The following CARNMT1 variants were observed in gnomAD, a reference collection of about 807,000 sequenced individuals.
CARNMT1 encodes protein-L-histidine N-pros-methyltransferase CARNMT1.
In CARNMT1, 28 loss-of-function variants were observed where a neutral mutation model predicts 49.6. The ratio of observed to expected loss-of-function variants is 0.56; its 90% CI spans 0.42 to 0.77. The LOEUF (loss-of-function observed/expected upper bound fraction) is 0.77, where lower values mean the gene tolerates loss of function less well. Among genes scored for constraint, CARNMT1 ranks in the 30% least tolerant of loss-of-function variants. CARNMT1 has a pLI of 0.00. For missense variants in CARNMT1, 421 were observed against 512.6 expected, an observed-to-expected ratio of 0.82 and a Z score of 1.73; for synonymous variants, 178 against 175.0, an observed-to-expected ratio of 1.02 and a Z score of -0.13.
In CARNMT1 at chr9:74,981,808, GT is replaced by G. The variant is rs1832699525; in HGVS notation, c.*1958del. The G allele has an allele frequency of 6.6e-6, 1 of 151,966 alleles. No individual in the cohort carries two copies. Among genetic ancestry groups the G allele is most frequent in the Non-Finnish European group, 1.5e-5 (1 of 67,960 alleles). 9.4% of individuals were successfully genotyped at this position (151,966 alleles called of 1,614,324 possible). On this transcript the variant is annotated 3_prime_UTR_variant, in exon 8 of 8. Transcript: ENST00000376834. ...ATACTAGTCAGTGAATAAAAAGCATGTCTAAGCCATTGAAAAACAGCATGCA... is the reference window on the plus strand; with the variant it reads ...ATACTAGTCAGTGAATAAAAAGCATGCTAAGCCATTGAAAAACAGCATGCA...
chr9:75,026,393 C>T (rs1057173472), intron 1 of CARNMT1, among the ~76,000 whole-genome samples: 4 of 152,196 alleles, frequency 2.6e-5, no homozygotes, highest in African/African-American at 9.7e-5. Context: ...AATGGGTCCA[C>T]CATATTCCCA....
intron 6 of CARNMT1, among the ~76,000 whole-genome samples, chr9:74,995,398 C>T (rs1318756015): frequency 1.3e-5 from 2 of 152,262 alleles, no homozygotes; most frequent in Admixed American, 1.3e-4. Flanking sequence ...CCACAGTAAG[C>T]AAATACCCAG....
intron 2 of CARNMT1, chr9:75,016,768 G>A (rs951503047): frequency 2.6e-5 from 7 of 272,628 alleles, no homozygotes; most frequent in African/African-American, 1.5e-4. Context: ...GGGGCAGCAT[G>A]GAGAGGCTCA....
chr9:74,995,696 C>T (rs1026524798), intron 6 of CARNMT1, among the ~76,000 whole-genome samples: 3 of 152,098 alleles, frequency 2.0e-5, no homozygotes, highest in Non-Finnish European at 2.9e-5. Context: ...AGACCATGTA[C>T]GTTATGTCCT....
chr9:74,990,007 A>AAG (rs1387636221), intron 6 of CARNMT1, among the ~76,000 whole-genome samples: 2 of 152,246 alleles, frequency 1.3e-5, no homozygotes. Context: ...CTACCATGAG[A>AAG]AGTTCTAAAA....
intron 5 of CARNMT1, among the ~76,000 whole-genome samples, chr9:74,997,509 C>T (rs549599309): frequency 1.7e-4 from 26 of 152,234 alleles, no homozygotes; most frequent in African/African-American, 6.3e-4. Flanking sequence ...CGAGGCTGAC[C>T]TCTCACCACT....
chr9:74,987,319 A>G (rs1177527031), intron 6 of CARNMT1, among the ~76,000 whole-genome samples: 1 of 149,784 alleles, frequency 6.7e-6, no homozygotes, highest in African/African-American at 2.6e-5. Context: ...TTGCAGCCAC[A>G]CAAAGATTTA....
Position 75,017,263 on chromosome 9 carries a change from T to C in CARNMT1, c.416A>G (p.Tyr139Cys). Residue 139 changes from tyrosine to cysteine, a missense_variant, in exon 2 of 8, where the codon TAT becomes TGT. Around this residue, in one of 2 missense-constraint regions of CARNMT1, gnomAD observed 235 missense variants for 344.8 expected, o/e 0.68. Coordinates refer to ENST00000376834, the MANE Select transcript of CARNMT1 (RefSeq NM_152420.3). ...CAAACTTTCACATACATCTTCTCCA[T>C]ATTCTTTATTTTCAAACATATGTAT... ...DCIHMFENKE[Y>C]GEDGNGKIMP... 1 of 1,610,050 alleles carries C rather than the reference T, an allele frequency of 6.2e-7. No individual in the cohort carries two copies. The highest frequency in any genetic ancestry group is 8.5e-7 in the Non-Finnish European group (1 of 1,176,728).
chr9:75,007,526 T>C (rs1833545814), intron 3 of CARNMT1, among the ~76,000 whole-genome samples: 1 of 151,858 alleles, frequency 6.6e-6, no homozygotes, highest in African/African-American at 2.4e-5. Flanking sequence ...GTCAAGAGTT[T>C]GAGATCAGCC....
At chr9:74,984,271 A>C (rs746279507) in intron 7 of CARNMT1, among the ~76,000 whole-genome samples, 14 of 152,202 alleles carry the variant, frequency 9.2e-5, no homozygotes, top group Non-Finnish European at 1.8e-4. Context: ...CATATTGTGA[A>C]TATCCCTCTT....
rs893957926 is a variant in CARNMT1, at chr9:74,983,589, T to C, written c.*178A>G. On this transcript the variant is annotated 3_prime_UTR_variant, in exon 8 of 8. Coordinates refer to ENST00000376834, the MANE Select transcript of CARNMT1 (RefSeq NM_152420.3). ...TACAAATCTGCATGGCATAGTATAT[T>C]TCTGAAAAAGCAATAGACATATTAA... 8.5e-6 allele frequency: 4 copies of C among 469,548 alleles called. No homozygotes were observed. The Admixed American group carries it at 1.5e-4, about 18-fold the overall frequency. 29.1% of individuals were successfully genotyped at this position (469,548 alleles called of 1,614,324 possible). A position where few individuals can be genotyped will look rare whatever the true frequency, so the allele number is the denominator to read the frequency against.
intron 1 of CARNMT1, chr9:75,027,077 G>C: frequency 6.9e-6 from 9 of 1,304,264 alleles, no homozygotes; most frequent in Non-Finnish European, 9.1e-6. Flanking sequence ...ATGTCTGTCT[G>C]ATTCCAACTG....
rs1832692105 is a variant in CARNMT1, at chr9:74,981,491, C to T, written c.*2276G>A. 1 of 152,060 alleles carries T rather than the reference C, an allele frequency of 6.6e-6. No homozygotes were observed. The allele number at this position is 152,060 out of a possible 1,614,324, so 9.4% of individuals were successfully genotyped here. On this transcript the variant is annotated 3_prime_UTR_variant, in exon 8 of 8. Coordinates refer to ENST00000376834, the MANE Select transcript of CARNMT1 (RefSeq NM_152420.3). ...ATACTTCTATTATTGATTGATACCA[C>T]ATTTTCAAGTTTAGAATATATTAAC...
At position 74,999,866 on chromosome 9, in the gene CARNMT1, G is replaced by A; in HGVS notation, c.595C>T (p.Pro199Ser). Residue 199 changes from proline (P) to serine (S), a missense_variant, in exon 4 of 8, where the codon CCT (proline) becomes TCT (serine). Around this residue, in one of 2 missense-constraint regions of CARNMT1, gnomAD observed 235 missense variants for 344.8 expected, o/e 0.68. Coordinates refer to ENST00000376834, the MANE Select transcript of CARNMT1 (RefSeq NM_152420.3). ...GGTACCAGAATATTTACTTTAGAAGGATCCCTGAAATGAAATAAGGCAATT... is the reference window on the plus strand; with the variant it reads ...GGTACCAGAATATTTACTTTAGAAGAATCCCTGAAATGAAATAAGGCAATT... ...LKNFPKERWD[P>S]SKVNILVPGA... 6.3e-7 allele frequency: 1 copy of A among 1,597,414 alleles called. No homozygotes were observed. Among genetic ancestry groups the A allele is most frequent in the Non-Finnish European group, 8.5e-7 (1 of 1,174,000 alleles).
intron 6 of CARNMT1, among the ~76,000 whole-genome samples, chr9:74,992,144 C>T (rs561907491): frequency 9.2e-5 from 14 of 151,930 alleles, no homozygotes; most frequent in Admixed American, 3.3e-4. Flanking sequence ...TGGTGGCGCA[C>T]GCCTGTAACC....
intron 3 of CARNMT1, among the ~76,000 whole-genome samples, chr9:75,012,112 G>A (rs1453067826): frequency 3.9e-5 from 6 of 152,052 alleles, no homozygotes; most frequent in Non-Finnish European, 8.8e-5. Flanking sequence ...CCCGATGAAA[G>A]GAACTGAGAT....
At chr9:74,986,534 C>T (rs1832845465) in intron 6 of CARNMT1, among the ~76,000 whole-genome samples, 1 of 152,226 alleles carries the variant, frequency 6.6e-6, no homozygotes, top group African/African-American at 2.4e-5. Flanking sequence ...CAGAGCCTCA[C>T]AGCAGAGTCT....
intron 6 of CARNMT1, 90 bp from the exon 7 acceptor site, chr9:74,985,100 C>A: frequency 1.1e-6 from 1 of 924,838 alleles, no homozygotes; most frequent in Non-Finnish European, 1.7e-6. Flanking sequence ...AAGTTAGGTA[C>A]TGGATGAGAC....
chr9:75,012,511 T>C (rs1364206289), intron 3 of CARNMT1, among the ~76,000 whole-genome samples: 1 of 152,066 alleles, frequency 6.6e-6, no homozygotes, highest in Non-Finnish European at 1.5e-5. Flanking sequence ...GATCTCGAAC[T>C]CTTGACCTCA....
Sources: allele counts gnomAD v4.1 joint callset (sites outside exome capture counted in the v4.1 genomes callset), GRCh38; gene constraint gnomAD v4.1.1; regional missense constraint gnomAD v4.1.1; transcripts MANE v1.5; gene names NCBI Gene and HGNC (gene_info 2026-07-23, HGNC 2026-07-21).